The following COMMD1 variants were observed in gnomAD, a reference collection of about 807,000 sequenced individuals.
COMMD1 encodes the protein COMM domain-containing protein 1.
COMMD1 carries 10 observed loss-of-function variants against 17.2 expected under a neutral mutation model. The ratio of observed to expected loss-of-function variants is 0.58; its 90% confidence interval spans 0.36 to 0.99. The LOEUF is 0.99. COMMD1 is among the 50% of genes least tolerant of loss of function. COMMD1 has a pLI of 0.01. For missense variants in COMMD1, 270 were observed against 231.8 expected, an observed-to-expected ratio of 1.17 and a Z score of -1.07; for synonymous variants, 97 against 91.6, an observed-to-expected ratio of 1.06 and a Z score of -0.34.
chr2:62,079,350 G>A (rs1231994276), intron 2 of COMMD1, among the ~76,000 whole-genome samples: 3 of 152,144 alleles, frequency 2.0e-5, no homozygotes, highest in Admixed American at 6.6e-5. Context: ...ACAAGCATTC[G>A]TTCTTAATTA....
At chr2:61,905,361 C>A (rs1440943205), upstream of COMMD1, among the ~76,000 whole-genome samples, 1 of 152,210 alleles carries the variant, frequency 6.6e-6, no homozygotes, top group Non-Finnish European at 1.5e-5. Context: ...AATTAAACTG[C>A]CAAACTTATA....
intron 2 of COMMD1, among the ~76,000 whole-genome samples, chr2:62,099,636 G>A (rs1024690242): frequency 1.3e-5 from 2 of 150,460 alleles, no homozygotes; most frequent in Non-Finnish European, 3.0e-5. Flanking sequence ...GGATCAATAT[G>A]TGCTGCTTGT....
intron 2 of COMMD1, among the ~76,000 whole-genome samples, chr2:62,085,653 T>C (rs184242620): frequency 5.6e-4 from 85 of 151,850 alleles, no homozygotes; most frequent in African/African-American, 2.0e-3. Context: ...GCCTGGGCAA[T>C]AGAGTGAGAC....
At chr2:62,102,047 A>C (rs1672197034) in intron 2 of COMMD1, among the ~76,000 whole-genome samples, 1 of 152,158 alleles carries the variant, frequency 6.6e-6, no homozygotes, top group Non-Finnish European at 1.5e-5. Flanking sequence ...AGGGGCCCCC[A>C]GCCACCACTC....
intron 1 of COMMD1, among the ~76,000 whole-genome samples, chr2:61,937,322 T>C (rs1262399525): frequency 6.6e-6 from 1 of 152,166 alleles, no homozygotes. Context: ...TTCAAATGGT[T>C]GTGAGAGCCT....
chr2:61,949,571 TA>T (rs1479529499), intron 1 of COMMD1, among the ~76,000 whole-genome samples: 3 of 152,136 alleles, frequency 2.0e-5, no homozygotes, highest in African/African-American at 7.2e-5. Context: ...CTCCCAAAGA[TA>T]TCCAAAGAGA....
chr2:62,087,599 A>G (rs1671705339), intron 2 of COMMD1, among the ~76,000 whole-genome samples: 1 of 152,164 alleles, frequency 6.6e-6, no homozygotes, highest in Non-Finnish European at 1.5e-5. Flanking sequence ...TACAAAAATT[A>G]GTCAGGCATG....
intron 1 of COMMD1, among the ~76,000 whole-genome samples, chr2:61,931,945 G>T (rs1165799667): frequency 1.3e-5 from 2 of 152,204 alleles, no homozygotes; most frequent in African/African-American, 4.8e-5. Context: ...GTAGTTGCAG[G>T]ATTTCTATCC....
At chr2:62,018,983 T>C (rs909850690) in intron 2 of COMMD1, among the ~76,000 whole-genome samples, 3 of 149,834 alleles carry the variant, frequency 2.0e-5, no homozygotes, top group Non-Finnish European at 4.4e-5. Flanking sequence ...GGTAGAAGAA[T>C]AGAAGAGAGC....
intron 2 of COMMD1, among the ~76,000 whole-genome samples, chr2:62,115,340 T>C (rs188497313): frequency 9.8e-5 from 15 of 152,354 alleles, no homozygotes; most frequent in African/African-American, 3.4e-4. Context: ...ATTTTTAAGA[T>C]CATTAAATTT....
chr2:62,003,640 A>ACACACACC (rs1404942594), intron 2 of COMMD1, among the ~76,000 whole-genome samples: 1 of 148,458 alleles, frequency 6.7e-6, no homozygotes, highest in African/African-American at 2.6e-5. Flanking sequence ...ACACACACAC[A>ACACACACC]CCCAACAGAT....
chr2:62,042,987 G>A lies in COMMD1; in HGVS notation c.462+42005G>A, dbSNP rs575518618. Among the ~76,000 whole-genome samples, 6 of 152,340 alleles carry A rather than the reference G, an allele frequency of 3.9e-5. No homozygotes were observed. The South Asian group carries it at 1.2e-3, about 32-fold the overall frequency. On this transcript the variant is annotated intron_variant, in intron 2 of 2. Transcript: ENST00000311832. The stretch of plus-strand genomic sequence containing the variant: ...TATTTTTTCTGTGACGTTTTAAACA[G>A]TTGAGAAGATTGTCTAGTATCCACT...
intron 2 of COMMD1, among the ~76,000 whole-genome samples, chr2:62,072,020 A>C (rs1671211892): frequency 6.6e-6 from 1 of 152,054 alleles, no homozygotes; most frequent in Non-Finnish European, 1.5e-5. Flanking sequence ...AACCCAGTAT[A>C]ATGTGGCTTA....
intron 1 of COMMD1, among the ~76,000 whole-genome samples, chr2:61,953,923 T>C (rs895090314): frequency 2.6e-4 from 40 of 152,048 alleles, no homozygotes; most frequent in African/African-American, 8.9e-4. Context: ...AAATCCACTT[T>C]AAAGAGTCTA....
In COMMD1 at chr2:62,001,065, C is replaced by T. The variant is rs1668925876; in HGVS notation, c.462+83C>T. 3.2e-6 allele frequency: 4 copies of T among 1,257,702 alleles called. No individual in the cohort carries two copies. The Admixed American group carries it at 5.3e-5, about 17-fold the overall frequency. 77.9% of individuals were successfully genotyped at this position (1,257,702 alleles called of 1,614,324 possible). On this transcript the variant is annotated intron_variant, in intron 2 of 2. Coordinates refer to ENST00000311832, the MANE Select transcript of COMMD1 (RefSeq NM_152516.4). ...CTTGTCTATTCAGCTTGATTTTATG[C>T]AATAACAGCAACAGGAAAAGACACT...
chr2:61,924,622 G>T (rs928442627), intron 1 of COMMD1, among the ~76,000 whole-genome samples: 1 of 152,168 alleles, frequency 6.6e-6, no homozygotes, highest in Non-Finnish European at 1.5e-5. Flanking sequence ...GGCAGTTACA[G>T]TGAGTGAAGA....
intron 2 of COMMD1, among the ~76,000 whole-genome samples, chr2:62,061,614 G>A (rs1187198206): frequency 1.4e-4 from 21 of 145,978 alleles, no homozygotes; most frequent in Non-Finnish European, 3.0e-5. Context: ...GGAGTGCAGT[G>A]GCACGATCTC....
intron 1 of COMMD1, among the ~76,000 whole-genome samples, chr2:61,964,235 T>C (rs1434062392): frequency 6.6e-6 from 1 of 152,194 alleles, no homozygotes; most frequent in East Asian, 1.9e-4. Context: ...CTTTTTTCTT[T>C]TTTGAGACAG....
At chr2:61,888,734 G>C (rs1462890714) in exon 1 of COMMD1, 5 of 538,456 alleles carry the variant, frequency 9.3e-6, no homozygotes, top group African/African-American at 6.0e-5. Context: ...GATGCGTGCG[G>C]TGGGCTCCGG....
Sources: gnomAD v4.1 joint callset for allele counts (sites outside exome capture counted in the v4.1 genomes callset) on GRCh38, gnomAD v4.1.1 for gene constraint, MANE v1.5 for transcripts, NCBI Gene and HGNC (gene_info 2026-07-23, HGNC 2026-07-21) for gene names.